The following TATDN2 variants were observed in gnomAD, a reference collection of about 807,000 sequenced individuals.
The protein encoded by TATDN2 is 3'-5' RNA nuclease TATDN2.
In TATDN2, 44 loss-of-function variants were observed where a neutral mutation model predicts 60.3. That is an observed-to-expected ratio of 0.73 (90% CI 0.57 to 0.94). TATDN2 has a LOEUF of 0.94. Among genes scored for constraint, TATDN2 ranks in the 40% least tolerant of loss-of-function variants. TATDN2 has a pLI of 0.00. For synonymous variants in TATDN2, 399 were observed against 355.8 expected (o/e 1.12, Z -1.37); for missense variants, 997 against 948.0 (o/e 1.05, Z -0.68).
intron 4 of TATDN2, among the ~76,000 whole-genome samples, chr3:10,271,797 A>ACCTCCGCCTCCG (rs143132221): frequency 4.7e-5 from 7 of 148,812 alleles, no homozygotes; most frequent in East Asian, 2.1e-4. Flanking sequence ...TGCGGCCTCC[A>ACCTCCGCCTCCG]CCTCCGCCTC....
At chr3:10,275,869 C>T (rs1319511783) in intron 4 of TATDN2, among the ~76,000 whole-genome samples, 1 of 152,214 alleles carries the variant, frequency 6.6e-6, no homozygotes, top group Non-Finnish European at 1.5e-5. Flanking sequence ...TGGAGATGCA[C>T]ACAAACACCA....
At chr3:10,276,586 C>A in intron 5 of TATDN2, 98 bp downstream of exon 5, 9 of 1,408,408 alleles carry the variant, frequency 6.4e-6, no homozygotes, top group Non-Finnish European at 7.6e-6. Flanking sequence ...TATACACTAT[C>A]TATTCTTTTT....
At chr3:10,252,747 C>T (rs1046804709) in intron 2 of TATDN2, among the ~76,000 whole-genome samples, 1 of 150,044 alleles carries the variant, frequency 6.7e-6, no homozygotes, top group Non-Finnish European at 1.5e-5. Context: ...CTGGAGTGCA[C>T]TGGCATGATC....
rs542233791 is a variant in TATDN2, at chr3:10,276,396, A to G, written c.1869A>G (p.Leu623=). ...FERQLQLAVS[L]KKPLVIHCRE... Reference sequence around the variant, plus strand: ...GACAGCTGCAGCTGGCTGTGTCTCTAAAGAAGCCCTTGGTGATCCACTGCC... The same window carrying G: ...GACAGCTGCAGCTGGCTGTGTCTCTGAAGAAGCCCTTGGTGATCCACTGCC... The change falls in exon 5 of 8, where the codon CTA becomes CTG. Residue 623 remains leucine, a synonymous_variant. Transcript: ENST00000448281. The G allele has an allele frequency of 5.0e-6, 8 of 1,613,984 alleles. No individual in the cohort carries two copies. In the East Asian group the frequency reaches 6.7e-5, roughly 13 times the overall value.
At chr3:10,260,693 A>C (rs1182270380) in intron 3 of TATDN2, 23 bp downstream of exon 3, 1 of 1,594,166 alleles carries the variant, frequency 6.3e-7, no homozygotes, top group Non-Finnish European at 8.5e-7. Flanking sequence ...TGTACCAGGC[A>C]TCTGACTTTT....
intron 4 of TATDN2, among the ~76,000 whole-genome samples, chr3:10,271,489 T>C (rs1698562991): frequency 6.6e-6 from 1 of 151,926 alleles, no homozygotes; most frequent in East Asian, 1.9e-4. Flanking sequence ...AATTTTTGTA[T>C]TTTTAATAGA....
chr3:10,258,509 T>G (rs1237962361), intron 2 of TATDN2, among the ~76,000 whole-genome samples: 1 of 151,722 alleles, frequency 6.6e-6, no homozygotes, highest in Non-Finnish European at 1.5e-5. Context: ...TTGCTCTTGT[T>G]GCCTGGGCTG....
At chr3:10,273,911 G>GT (rs1449567089) in intron 4 of TATDN2, among the ~76,000 whole-genome samples, 1 of 152,162 alleles carries the variant, frequency 6.6e-6, no homozygotes, top group Non-Finnish European at 1.5e-5. Flanking sequence ...GCCAGGGAGA[G>GT]TAGACTGTCC....
chr3:10,270,432 G>C lies in TATDN2; in HGVS notation c.1250G>C (p.Ser417Thr), dbSNP rs779586309. Reference protein sequence around the residue: ...QVGKSSRSRMSDYSPNSTGSV... With the variant: ...QVGKSSRSRMTDYSPNSTGSV... ...GGGAAGAGCAGCCGGAGCCGCATGAGTGATTATTCCCCCAACTCTACAGGG... is the reference window on the plus strand; with the variant it reads ...GGGAAGAGCAGCCGGAGCCGCATGACTGATTATTCCCCCAACTCTACAGGG... Residue 417 changes from serine to threonine, a missense_variant, in exon 4 of 8, where the codon AGT (serine) becomes ACT (threonine). Ser to Thr is a moderately conservative substitution (Grantham distance 58). Coordinates refer to ENST00000448281, the MANE Select transcript of TATDN2 (RefSeq NM_014760.4). The C allele has an allele frequency of 3.1e-6, 5 of 1,614,086 alleles. No homozygotes were observed. Among genetic ancestry groups the C allele is most frequent in the Non-Finnish European group, 4.2e-6 (5 of 1,180,046 alleles).
rs985305230 is a variant in TATDN2 at position 10,279,207 on chromosome 3, C to A, written c.*39-14C>A. On this transcript the variant is annotated splice_polypyrimidine_tract_variant and intron_variant, in intron 7 of 7. Transcript: ENST00000448281. ...TGGTTTGGAACCTTCTTCTTTTTCT[C>A]TTCCACCCTCCAGGGCGACCAGCAG... 4.8e-6 allele frequency: 4 copies of A among 827,546 alleles called. No individual in the cohort carries two copies. In the African/African-American group the frequency reaches 6.9e-5, roughly 14 times the overall value. The allele number at this position is 827,546 out of a possible 1,614,324, so 51.3% of individuals were successfully genotyped here. A position where few individuals can be genotyped will look rare whatever the true frequency, so the allele number is the denominator to read the frequency against.
intron 4 of TATDN2, among the ~76,000 whole-genome samples, chr3:10,274,284 T>A (rs1698604736): frequency 6.6e-6 from 1 of 152,220 alleles, no homozygotes. Context: ...GTAATGTTAT[T>A]GTTCCTTGGA....
At chr3:10,253,479 C>T (rs1468006993) in intron 2 of TATDN2, among the ~76,000 whole-genome samples, 1 of 152,218 alleles carries the variant, frequency 6.6e-6, no homozygotes, top group East Asian at 1.9e-4. Flanking sequence ...TTCTTACCTC[C>T]AGGACAGTTG....
At chr3:10,249,164 T>A (rs749334254) in intron 1 of TATDN2, 31 bp from the exon 2 acceptor site, 2 of 1,481,030 alleles carry the variant, frequency 1.4e-6, no homozygotes, top group Non-Finnish European at 1.8e-6. Flanking sequence ...GGAAGGGTGG[T>A]GTTGGAATCC....
intron 3 of TATDN2, among the ~76,000 whole-genome samples, chr3:10,261,629 A>G (rs1698404523): frequency 1.3e-5 from 2 of 152,054 alleles, no homozygotes; most frequent in African/African-American, 4.8e-5. Context: ...TGGCCTCCCA[A>G]AGTGCCGGGA....
rs1698719768 is a variant in TATDN2, at chr3:10,280,565, G to C, written c.*1383G>C. 1 of 153,768 alleles carries C rather than the reference G, an allele frequency of 6.5e-6. No homozygotes were observed. The highest frequency in any genetic ancestry group is 2.1e-4 in the South Asian group (1 of 4,832). 9.5% of individuals were successfully genotyped at this position (153,768 alleles called of 1,614,324 possible). On this transcript the variant is annotated 3_prime_UTR_variant, in exon 8 of 8. Transcript: ENST00000448281. ...TAAATTGTAAAATACATCCCTTATG[G>C]AATCCTAAATTCCTCTAGGTGTTTT...
chr3:10,252,506 A>G (rs1008273278), intron 2 of TATDN2, among the ~76,000 whole-genome samples: 2 of 152,218 alleles, frequency 1.3e-5, no homozygotes, highest in Non-Finnish European at 1.5e-5. Context: ...ATGAATTACA[A>G]AACACCTCTT....
At position 10,278,727 on chromosome 3, in the gene TATDN2, G is replaced by A. The variant is rs1291881608; in HGVS notation, c.2146-158G>A. ...AAGCGTGGGACCCTGCTCACCCAGA[G>A]CCCCCATGACTAGGACTCTCCCTGC... is the stretch of plus-strand genomic sequence containing the variant. On this transcript the variant is annotated intron_variant, in intron 6 of 7. Coordinates refer to ENST00000448281, the MANE Select transcript of TATDN2 (RefSeq NM_014760.4). This position sits in a 1 kb window ranked among gnomAD's most constrained non-coding sequence, Gnocchi z 4.7. The A allele has an allele frequency of 3.4e-6, 4 of 1,190,666 alleles. No homozygotes were observed. In the African/African-American group the frequency reaches 4.5e-5, roughly 13 times the overall value. The allele number at this position is 1,190,666 out of a possible 1,614,324, so 73.8% of individuals were successfully genotyped here.
At chr3:10,250,998 C>A (rs761199176) in intron 2 of TATDN2, among the ~76,000 whole-genome samples, 3 of 152,144 alleles carry the variant, frequency 2.0e-5, no homozygotes, top group African/African-American at 4.8e-5. Context: ...CCCTGGCTGT[C>A]CTAAAGACCT....
intron 3 of TATDN2, among the ~76,000 whole-genome samples, chr3:10,269,407 C>T (rs1011703800): frequency 5.9e-5 from 9 of 152,192 alleles, no homozygotes; most frequent in East Asian, 1.9e-4. Context: ...TTCGGGGACA[C>T]GTTTAAAAAC....
Sources: allele counts gnomAD v4.1 joint callset (sites outside exome capture counted in the v4.1 genomes callset), GRCh38; gene constraint gnomAD v4.1.1; non-coding constraint Gnocchi (gnomAD v3.1); transcripts MANE v1.5; gene names NCBI Gene and HGNC (gene_info 2026-07-23, HGNC 2026-07-21).